The following ATP6V0A1 variants were observed in gnomAD, a reference collection of about 807,000 sequenced individuals.
The protein encoded by ATP6V0A1 is V-type proton ATPase 116 kDa subunit a 1.
ATP6V0A1 carries 43 observed loss-of-function variants against 105.4 expected under a neutral mutation model. The observed-to-expected ratio is 0.41, with a 90% CI of 0.32 to 0.53. ATP6V0A1 has a LOEUF of 0.53. Ranked by LOEUF, ATP6V0A1 falls within the 20% of genes least tolerant of loss-of-function variation. The pLI, the probability that ATP6V0A1 is intolerant of heterozygous loss-of-function variation, is 0.30. For synonymous variants in ATP6V0A1, 362 were observed against 372.8 expected (o/e 0.97, Z 0.33); for missense variants, 676 against 1,051.1 (o/e 0.64, Z 4.93).
Position 42,494,544 on chromosome 17 carries a change from G to T in ATP6V0A1, c.1314+71G>T, listed in dbSNP as rs1001510101. On this transcript the variant is annotated intron_variant, in intron 12 of 21. Coordinates refer to ENST00000343619, the MANE Select transcript of ATP6V0A1 (RefSeq NM_001130021.3). The stretch of plus-strand genomic sequence containing the variant: ...CCCAAGCATTCATTATGAAAATTAT[G>T]ATCTGGAAGTCTTTTATCCATGAAT... The T allele has an allele frequency of 2.7e-5, 41 of 1,501,190 alleles. No individual in the cohort carries two copies. The Admixed American group carries it at 7.0e-4, about 26-fold the overall frequency. The allele number at this position is 1,501,190 out of a possible 1,614,324, so 93.0% of individuals were successfully genotyped here. A position where few individuals can be genotyped will look rare whatever the true frequency, so the allele number is the denominator to read the frequency against.
At chr17:42,497,187 T>C (rs1016973589) in intron 14 of ATP6V0A1, among the ~76,000 whole-genome samples, 4 of 148,098 alleles carry the variant, frequency 2.7e-5, no homozygotes, top group Non-Finnish European at 3.0e-5. Context: ...CCTGTAGTCC[T>C]AAGGCAGGAG....
intron 10 of ATP6V0A1, among the ~76,000 whole-genome samples, chr17:42,487,839 C>T (rs1005038639): frequency 6.6e-6 from 1 of 152,216 alleles, no homozygotes; most frequent in Non-Finnish European, 1.5e-5. Context: ...AACTTGACAG[C>T]ACATTTCATA....
intron 2 of ATP6V0A1, among the ~76,000 whole-genome samples, chr17:42,462,030 G>T (rs923903815): frequency 7.3e-6 from 1 of 137,246 alleles, no homozygotes; most frequent in Non-Finnish European, 1.5e-5. Flanking sequence ...AACATAGGGA[G>T]ATCCCGTCTC....
At chr17:42,494,243 AAG>A in intron 11 of ATP6V0A1, 89 bp from the exon 12 acceptor site, 3 of 1,333,994 alleles carry the variant, frequency 2.2e-6, no homozygotes, top group Admixed American at 2.4e-5. Context: ...CAAAAAAAAA[AAG>A]GGGGGTGGGT....
chr17:42,494,441 A>G lies in ATP6V0A1; in HGVS notation c.1282A>G (p.Ser428Gly), dbSNP rs2090965224. ...TGCTGTGTGGATGGTACTGAGGGAG[A>G]GCCGGATCCTTTCCCAGAAGAATGA... ...LFAVWMVLRE[S>G]RILSQKNENE... The change falls in exon 12 of 22, where the codon AGC becomes GGC. Residue 428 changes from serine to glycine, a missense_variant. Ser to Gly is a moderately conservative substitution (Grantham distance 56, BLOSUM62 0). Coordinates refer to ENST00000343619, the MANE Select transcript of ATP6V0A1 (RefSeq NM_001130021.3). The G allele has an allele frequency of 1.2e-6, 2 of 1,613,300 alleles. No homozygotes were observed. The highest frequency in any genetic ancestry group is 2.7e-5 in the African/African-American group (2 of 74,938).
chr17:42,519,240 G>A lies in ATP6V0A1; in HGVS notation c.2421-1787G>A, dbSNP rs1599207425. ...TGACTGGAGGGGTGCCAAGAAAAGGGCGGTGCCCCCACAGGCATCTGAAAA... is the reference window on the plus strand; with the variant it reads ...TGACTGGAGGGGTGCCAAGAAAAGGACGGTGCCCCCACAGGCATCTGAAAA... On this transcript the variant is annotated intron_variant, in intron 21 of 21. Transcript: ENST00000343619. 6 of 152,406 alleles carry A rather than the reference G, an allele frequency of 3.9e-5. No individual in the cohort carries two copies. In the South Asian group the frequency reaches 1.2e-3, roughly 32 times the overall value. 9.4% of individuals were successfully genotyped at this position (152,406 alleles called of 1,614,324 possible).
intron 1 of ATP6V0A1, among the ~76,000 whole-genome samples, chr17:42,459,617 T>C (rs937692012): frequency 6.6e-6 from 1 of 152,236 alleles, no homozygotes; most frequent in African/African-American, 2.4e-5. Flanking sequence ...TCCTGAACTA[T>C]GCTGACCAGG....
In ATP6V0A1 at chr17:42,508,560, T is replaced by G; in HGVS notation, c.2113-12T>G. On this transcript the variant is annotated splice_polypyrimidine_tract_variant and intron_variant, in intron 18 of 21. Transcript: ENST00000343619. ...CGTGGCTCCCCACTAAGTGTAAATT[T>G]GTGTTTTCAAGCCTTCCGAGGACGA... 6.2e-7 allele frequency: 1 copy of G among 1,614,016 alleles called. No individual in the cohort carries two copies. The highest frequency in any genetic ancestry group is 8.5e-7 in the Non-Finnish European group (1 of 1,179,892).
chr17:42,516,305 G>A (rs989944745), intron 21 of ATP6V0A1, among the ~76,000 whole-genome samples: 2 of 152,082 alleles, frequency 1.3e-5, no homozygotes, highest in East Asian at 1.9e-4. Flanking sequence ...AATGATGGGC[G>A]GAGAGTGAGG....
intron 17 of ATP6V0A1, among the ~76,000 whole-genome samples, chr17:42,506,635 C>T (rs1442746782): frequency 6.6e-6 from 1 of 152,224 alleles, no homozygotes; most frequent in Non-Finnish European, 1.5e-5. Flanking sequence ...GTTTAAATTC[C>T]TTTTCACGCT....
Position 42,522,361 on chromosome 17 carries a change from C to T in ATP6V0A1, c.*1241C>T, listed in dbSNP as rs1355864053. The T allele has an allele frequency of 1.3e-5, 2 of 152,724 alleles. No individual in the cohort carries two copies. Among genetic ancestry groups the T allele is most frequent in the African/African-American group, 2.4e-5 (1 of 41,454 alleles). The allele number at this position is 152,724 out of a possible 1,614,324, so 9.5% of individuals were successfully genotyped here. The stretch of plus-strand genomic sequence containing the variant: ...GTGAGCTGCCTGGAGCCCTCATCCC[C>T]TCTCCCAGGCTGGGCTGGCCCTGGG... On this transcript the variant is annotated 3_prime_UTR_variant, in exon 22 of 22. Transcript: ENST00000343619.
At chr17:42,492,638 G>A (rs1485311111) in intron 11 of ATP6V0A1, among the ~76,000 whole-genome samples, 3 of 149,432 alleles carry the variant, frequency 2.0e-5, no homozygotes, top group African/African-American at 4.9e-5. Context: ...CCGGGGAGAC[G>A]GAGGTTGCCG....
intron 21 of ATP6V0A1, chr17:42,518,453 T>C (rs916924820): frequency 2.0e-5 from 3 of 152,246 alleles, no homozygotes; most frequent in African/African-American, 7.2e-5. Context: ...AGATGTGTGT[T>C]GTAGGCCCTG....
rs753279487 is a variant in ATP6V0A1 at position 42,501,333 on chromosome 17, C to T, written c.2004+29C>T. Reference sequence around the variant, plus strand: ...GGTGTATTTCTATTGCTAAAAGTTACTAGACTTTTGTTTTGTTCAAGATCA... The same window carrying T: ...GGTGTATTTCTATTGCTAAAAGTTATTAGACTTTTGTTTTGTTCAAGATCA... On this transcript the variant is annotated intron_variant, in intron 17 of 21. Transcript: ENST00000343619. The T allele has an allele frequency of 3.9e-6, 6 of 1,537,414 alleles. No individual in the cohort carries two copies. The East Asian group carries it at 6.7e-5, about 17-fold the overall frequency.
At chr17:42,505,737 A>G (rs542563248) in intron 17 of ATP6V0A1, among the ~76,000 whole-genome samples, 40 of 151,436 alleles carry the variant, frequency 2.6e-4, no homozygotes, top group African/African-American at 9.7e-4. Flanking sequence ...GTTGTTCCCA[A>G]TTCTTTGCTA....
chr17:42,480,539 A>T, intron 7 of ATP6V0A1, 128 bp from the exon 8 acceptor site: 1 of 750,392 alleles, frequency 1.3e-6, no homozygotes, highest in South Asian at 2.0e-5. Context: ...GGCAGTGGTT[A>T]AAATGCAGGA....
intron 11 of ATP6V0A1, among the ~76,000 whole-genome samples, chr17:42,491,703 T>G (rs1220052693): frequency 6.6e-6 from 1 of 152,128 alleles, no homozygotes; most frequent in East Asian, 1.9e-4. Flanking sequence ...GGCTGATCTC[T>G]AACTCCTGAC....
At chr17:42,480,797 C>T (rs1373405701) in intron 8 of ATP6V0A1, 48 bp downstream of exon 8, 1 of 1,546,324 alleles carries the variant, frequency 6.5e-7, no homozygotes, top group Admixed American at 1.8e-5. Context: ...TGCTGCCCAA[C>T]TGTTGAGTCT....
At chr17:42,470,035 T>A in intron 4 of ATP6V0A1, 55 bp from the exon 5 acceptor site, 3 of 1,483,486 alleles carry the variant, frequency 2.0e-6, no homozygotes, top group Non-Finnish European at 2.7e-6. Context: ...TCATTTAATG[T>A]CTTTCAGAGC....
Sources: allele counts gnomAD v4.1 joint callset (sites outside exome capture counted in the v4.1 genomes callset), GRCh38; gene constraint gnomAD v4.1.1; transcripts MANE v1.5; gene names NCBI Gene and HGNC (gene_info 2026-07-23, HGNC 2026-07-21).